PHF6: variants seen among roughly 807,000 people sequenced by gnomAD.
PHF6 encodes PHD finger protein 6.
In PHF6, 7 loss-of-function variants were observed where a neutral mutation model predicts 34.0. The ratio of observed to expected loss-of-function variants is 0.21; its 90% confidence interval spans 0.12 to 0.39. The LOEUF (loss-of-function observed/expected upper bound fraction) is 0.39, where lower values mean the gene tolerates loss of function less well. PHF6 is among the 10% of genes least tolerant of loss of function. PHF6 has a pLI of 1.00. For synonymous variants in PHF6, 89 were observed against 88.4 expected (o/e 1.01, Z -0.04); for missense variants, 128 against 262.8 (o/e 0.49, Z 3.55).
intron 3 of PHF6, among the ~76,000 whole-genome samples, chrX:134,388,595 T>C (rs2077341189): frequency 9.0e-6 from 1 of 111,520 alleles, no homozygotes. Flanking sequence ...TATAGGACAA[T>C]GAAGCTGGAC....
chrX:134,425,338 A>C lies in PHF6; in HGVS notation c.*8A>C, dbSNP rs2077504603. The stretch of plus-strand genomic sequence containing the variant: ...CAACTTAATGGAAACTAGGTATGAA[A>C]GTTAATTATATGGGATCTGTTGTCA... On this transcript the variant is annotated splice_region_variant and intron_variant, in intron 10 of 10. Coordinates refer to ENST00000370803, the MANE Select transcript of PHF6 (RefSeq NM_001015877.2). The C allele has an allele frequency of 3.3e-6, 4 of 1,209,674 alleles. No individual in the cohort carries two copies. The South Asian group carries it at 7.0e-5, about 21-fold the overall frequency.
intron 5 of PHF6, among the ~76,000 whole-genome samples, chrX:134,401,629 T>G (rs1362836925): frequency 8.9e-6 from 1 of 112,007 alleles, no homozygotes; most frequent in East Asian, 2.8e-4. Flanking sequence ...TACAGGAATT[T>G]TTATGACAAC....
intron 5 of PHF6, among the ~76,000 whole-genome samples, chrX:134,407,398 A>G (rs774131433): frequency 5.3e-5 from 6 of 112,686 alleles, no homozygotes; most frequent in Non-Finnish European, 7.5e-5. Context: ...GAAAGTGTTC[A>G]TCACATTTGT....
At chrX:134,382,145 T>C (rs1045798651) in intron 3 of PHF6, among the ~76,000 whole-genome samples, 1 of 111,821 alleles carries the variant, frequency 8.9e-6, no homozygotes, top group African/African-American at 3.3e-5. Context: ...TTTCCAAGGT[T>C]CATGTCAGCC....
rs941114280 is a variant in PHF6 at position 134,401,110 on chromosome X, A to C, written c.418+7158A>C. Among the ~76,000 whole-genome samples, 12 of 111,655 alleles carry C rather than the reference A, an allele frequency of 1.1e-4. No homozygotes were observed. The East Asian group carries it at 3.4e-3, about 32-fold the overall frequency. ...AATAGAACCATTTTATGTGATTATAAGGTTTTTGAGTGTGGTAAATTGGAG... is the reference window on the plus strand; with the variant it reads ...AATAGAACCATTTTATGTGATTATACGGTTTTTGAGTGTGGTAAATTGGAG... On this transcript the variant is annotated intron_variant, in intron 5 of 10. Coordinates refer to ENST00000370803, the MANE Select transcript of PHF6 (RefSeq NM_001015877.2).
chrX:134,384,674 C>T (rs1261953628), intron 3 of PHF6, among the ~76,000 whole-genome samples: 4 of 106,129 alleles, frequency 3.8e-5, no homozygotes, highest in African/African-American at 1.1e-4. Flanking sequence ...TTTTTTGAGA[C>T]GGAGTCTTGC....
rs778141076 is a variant in PHF6 at position 134,417,368 on chromosome X, A to C, written c.968+66A>C. ...TAACCGTCCTTAAATAGATGACATT[A>C]GTTTACTCAGTCTCTGTTCTTAAAT... On this transcript the variant is annotated intron_variant, in intron 9 of 10. Transcript: ENST00000370803. The C allele has an allele frequency of 8.7e-5, 94 of 1,076,765 alleles. 1 individual carries two copies. Among genetic ancestry groups the C allele is most frequent in the Non-Finnish European group, 1.2e-4 (93 of 779,185 alleles). 88.7% of individuals were successfully genotyped at this position (1,076,765 alleles called of 1,213,427 possible).
chrX:134,399,670 GACAC>G (rs980086441), intron 5 of PHF6, among the ~76,000 whole-genome samples: 19 of 92,889 alleles, frequency 2.0e-4, no homozygotes, highest in East Asian at 1.4e-3. Flanking sequence ...CACACACACA[GACAC>G]ACACACACAC....
At chrX:134,374,731 C>A (rs909593066) in intron 1 of PHF6, among the ~76,000 whole-genome samples, 1 of 112,463 alleles carries the variant, frequency 8.9e-6, no homozygotes, top group Non-Finnish European at 1.9e-5. Flanking sequence ...CTTGGAAAAT[C>A]AGAAATGCAT....
At chrX:134,378,226 CTT>C (rs1271142117) in intron 3 of PHF6, 120 bp downstream of exon 3, 64 of 326,264 alleles carry the variant, frequency 2.0e-4, no homozygotes, top group Non-Finnish European at 2.0e-4. Flanking sequence ...GCAGGCTTTT[CTT>C]TTTTTTTTTC....
intron 3 of PHF6, among the ~76,000 whole-genome samples, chrX:134,382,565 TC>T (rs1240653137): frequency 6.5e-5 from 6 of 92,745 alleles, no homozygotes; most frequent in Admixed American, 1.3e-4. Context: ...TAGCTATTCT[TC>T]TTTTTTTTTT....
intron 5 of PHF6, among the ~76,000 whole-genome samples, chrX:134,409,673 A>T (rs2077441223): frequency 9.4e-6 from 1 of 106,173 alleles, no homozygotes. Flanking sequence ...TTTTAACTTC[A>T]GATTCAGGGG....
intron 9 of PHF6, among the ~76,000 whole-genome samples, chrX:134,422,219 G>C (rs1391093060): frequency 8.9e-6 from 1 of 111,939 alleles, no homozygotes; most frequent in Admixed American, 9.5e-5. Flanking sequence ...ATTGTGCCCA[G>C]CCTACATCCA....
rs192730479 is a variant in PHF6, at chrX:134,399,869, C to T, written c.418+5917C>T. On this transcript the variant is annotated intron_variant, in intron 5 of 10. Coordinates refer to ENST00000370803, the MANE Select transcript of PHF6 (RefSeq NM_001015877.2). ...TTGACATGTGTATAATGACACGTAC[C>T]TACCATTACAGTATCATACAGAATC... Among the ~76,000 whole-genome samples, 6 of 111,101 alleles carry T rather than the reference C, an allele frequency of 5.4e-5. No homozygotes were observed. In the East Asian group the frequency reaches 1.7e-3, roughly 32 times the overall value.
chrX:134,402,213 C>G (rs12842475), intron 5 of PHF6, among the ~76,000 whole-genome samples: 4,488 of 112,163 alleles, frequency 0.04, 114 homozygotes, highest in Non-Finnish European at 0.062. Flanking sequence ...CCAAGATGGT[C>G]TCCATCTCCT....
Position 134,393,648 on chromosome X carries a change from T to G in PHF6, c.374+14T>G, listed in dbSNP as rs1196667734. The G allele has an allele frequency of 8.4e-7, 1 of 1,187,932 alleles. No homozygotes were observed. Among genetic ancestry groups the G allele is most frequent in the Non-Finnish European group, 1.1e-6 (1 of 878,646 alleles). On this transcript the variant is annotated intron_variant, in intron 4 of 10. Transcript: ENST00000370803. ...AGGAATTTACATGTAATTATTTAAC[T>G]TCTCTTTAAGTTTTTTTTTTAACAA...
At chrX:134,416,866 C>T (rs1569344010) in intron 8 of PHF6, among the ~76,000 whole-genome samples, 1 of 111,899 alleles carries the variant, frequency 8.9e-6, no homozygotes, top group Non-Finnish European at 1.9e-5. Context: ...AAGAAGCCAA[C>T]CACTAAGATA....
chrX:134,401,782 T>C (rs2077403441), intron 5 of PHF6, among the ~76,000 whole-genome samples: 1 of 111,879 alleles, frequency 8.9e-6, no homozygotes, highest in Admixed American at 9.5e-5. Flanking sequence ...CTGTATTTTA[T>C]TCAAGGACCT....
At chrX:134,394,375 A>C (rs1320144362) in intron 5 of PHF6, among the ~76,000 whole-genome samples, 1 of 109,510 alleles carries the variant, frequency 9.1e-6, no homozygotes, top group African/African-American at 3.3e-5. Flanking sequence ...CTCGTGATCC[A>C]CCTGCCTCAG....
Sources: allele counts gnomAD v4.1 joint callset (sites outside exome capture counted in the v4.1 genomes callset), GRCh38; gene constraint gnomAD v4.1.1; transcripts MANE v1.5; gene names NCBI Gene and HGNC (gene_info 2026-07-23, HGNC 2026-07-21).